The following TACR1 variants were observed in gnomAD, a reference collection of about 807,000 sequenced individuals.
TACR1 encodes tachykinin receptor 1.
In TACR1, 25 loss-of-function variants were observed where a neutral mutation model predicts 35.8. The ratio of observed to expected loss-of-function variants is 0.70; its 90% CI spans 0.51 to 0.98. TACR1 has a LOEUF of 0.98. TACR1 is among the 50% of genes least tolerant of loss of function. TACR1 has a pLI of 0.00. For missense variants in TACR1, 478 were observed against 522.9 expected (o/e 0.91, Z 0.84); for synonymous variants, 195 against 206.7 (o/e 0.94, Z 0.48).
chr2:75,110,128 A>T (rs1009234220), intron 2 of TACR1, among the ~76,000 whole-genome samples: 2 of 152,038 alleles, frequency 1.3e-5, no homozygotes, highest in Non-Finnish European at 2.9e-5. Flanking sequence ...GCAGGCAGAA[A>T]TCACAAATTA....
At chr2:75,059,531 C>G (rs1357762391) in intron 2 of TACR1, among the ~76,000 whole-genome samples, 1 of 152,168 alleles carries the variant, frequency 6.6e-6, no homozygotes, top group Non-Finnish European at 1.5e-5. Context: ...TAGAAGCTCT[C>G]CAGGTGATAC....
intron 2 of TACR1, among the ~76,000 whole-genome samples, 185 bp downstream of exon 2, chr2:75,120,389 A>G (rs1013516095): frequency 2.0e-5 from 3 of 152,096 alleles, no homozygotes; most frequent in Non-Finnish European, 1.5e-5. Flanking sequence ...AGTATTTGGG[A>G]TACTATAGTC....
chr2:75,173,420 T>G (rs189445846), intron 1 of TACR1, among the ~76,000 whole-genome samples: 3 of 152,362 alleles, frequency 2.0e-5, no homozygotes, highest in Non-Finnish European at 4.4e-5. Flanking sequence ...GTAACTATAC[T>G]ATACCTCATC....
At chr2:75,084,664 A>G (rs1673158006) in intron 2 of TACR1, among the ~76,000 whole-genome samples, 1 of 152,084 alleles carries the variant, frequency 6.6e-6, no homozygotes. Flanking sequence ...GGGAGGGTGT[A>G]TGTGTCGAGG....
chr2:75,092,707 C>T (rs545919061), intron 2 of TACR1, among the ~76,000 whole-genome samples: 16 of 152,134 alleles, frequency 1.1e-4, no homozygotes, highest in Non-Finnish European at 1.6e-4. Context: ...AGACTCAGAG[C>T]CCCACTGGAT....
chr2:75,089,478 G>T (rs1344180382), intron 2 of TACR1, among the ~76,000 whole-genome samples: 1 of 152,156 alleles, frequency 6.6e-6, no homozygotes, highest in South Asian at 2.1e-4. Flanking sequence ...ACATGAGCGG[G>T]TTAAGAGCAC....
chr2:75,145,976 G>A (rs1674502555), intron 1 of TACR1, among the ~76,000 whole-genome samples: 1 of 152,160 alleles, frequency 6.6e-6, no homozygotes, highest in African/African-American at 2.4e-5. Context: ...ACACTGTGGG[G>A]AATGCAAAGA....
intron 2 of TACR1, among the ~76,000 whole-genome samples, chr2:75,099,610 G>A (rs143378484): frequency 6.6e-6 from 1 of 152,260 alleles, no homozygotes; most frequent in Non-Finnish European, 1.5e-5. Flanking sequence ...AGCTGCCCCA[G>A]AGGCTGAACC....
rs115512942 is a variant in TACR1, at chr2:75,114,122, C to T, written c.584+6452G>A. Among the ~76,000 whole-genome samples the T allele has an allele frequency of 7.9e-3, 1,209 of 152,242 alleles. 15 individuals carry two copies. Among genetic ancestry groups the T allele is most frequent in the African/African-American group, 0.028 (1,157 of 41,540 alleles). Reference sequence around the variant, plus strand: ...AGAATTATATTAGAGCTAACATATTCATATTCACTCACATTTCCACAAAAT... The same window carrying T: ...AGAATTATATTAGAGCTAACATATTTATATTCACTCACATTTCCACAAAAT... On this transcript the variant is annotated intron_variant, in intron 2 of 4. Transcript: ENST00000305249.
intron 1 of TACR1, among the ~76,000 whole-genome samples, chr2:75,155,146 G>A (rs890879176): frequency 6.6e-6 from 1 of 151,812 alleles, no homozygotes; most frequent in East Asian, 1.9e-4. Flanking sequence ...TTGAGGGACT[G>A]TTCCCAAGCC....
chr2:75,155,709 C>T (rs1674833550), intron 1 of TACR1, among the ~76,000 whole-genome samples: 1 of 152,148 alleles, frequency 6.6e-6, no homozygotes, highest in East Asian at 1.9e-4. Flanking sequence ...ATCCACATAA[C>T]AAGAGAGAGA....
chr2:75,152,927 G>A (rs1043586253), intron 1 of TACR1, among the ~76,000 whole-genome samples: 2 of 152,150 alleles, frequency 1.3e-5, no homozygotes, highest in Non-Finnish European at 2.9e-5. Context: ...TTTGTGAGAC[G>A]GAGTCTCATT....
intron 2 of TACR1, among the ~76,000 whole-genome samples, chr2:75,109,425 A>C (rs1268781315): frequency 2.6e-5 from 4 of 152,182 alleles, no homozygotes; most frequent in African/African-American, 9.7e-5. Context: ...TTTAACTTGG[A>C]ATCTATTTTA....
intron 1 of TACR1, among the ~76,000 whole-genome samples, chr2:75,161,647 A>G (rs1401789513): frequency 1.3e-5 from 2 of 152,174 alleles, no homozygotes; most frequent in Non-Finnish European, 2.9e-5. Flanking sequence ...AGGTATAAAA[A>G]TGAAAACAGT....
chr2:75,187,853 A>G (rs1675744979), intron 1 of TACR1: 1 of 152,236 alleles, frequency 6.6e-6, no homozygotes, highest in Admixed American at 6.5e-5. Context: ...CTAAAGTCTT[A>G]GGATCACAGT....
intron 2 of TACR1, among the ~76,000 whole-genome samples, chr2:75,100,582 C>T (rs1673517544): frequency 6.6e-6 from 1 of 152,158 alleles, no homozygotes; most frequent in East Asian, 1.9e-4. Context: ...GGATTTATTG[C>T]AGCACTAACT....
chr2:75,094,105 T>C (rs752201955), intron 2 of TACR1, among the ~76,000 whole-genome samples: 26 of 152,310 alleles, frequency 1.7e-4, no homozygotes, highest in Admixed American at 3.3e-4. Flanking sequence ...CACATGCAAA[T>C]AGCTCTTGAA....
intron 2 of TACR1, among the ~76,000 whole-genome samples, chr2:75,063,821 C>T (rs75037874): frequency 1.3e-5 from 2 of 152,288 alleles, no homozygotes; most frequent in Non-Finnish European, 1.5e-5. Context: ...CAAATGAACC[C>T]TTAATAGTGG....
intron 2 of TACR1, among the ~76,000 whole-genome samples, chr2:75,116,263 C>T (rs748562669): frequency 2.6e-5 from 4 of 152,078 alleles, no homozygotes; most frequent in South Asian, 4.1e-4. Flanking sequence ...CTTGCCACCA[C>T]GCAGAGCTAA....
Sources: gnomAD v4.1 joint callset for allele counts (sites outside exome capture counted in the v4.1 genomes callset) on GRCh38, gnomAD v4.1.1 for gene constraint, MANE v1.5 for transcripts, NCBI Gene and HGNC (gene_info 2026-07-23, HGNC 2026-07-21) for gene names.